Variants in DHH observed in about 807,000 individuals in gnomAD.
DHH encodes desert hedgehog signaling molecule.
A neutral mutation model predicts 27.6 loss-of-function variants in DHH; 16 were observed. That is an observed-to-expected ratio of 0.58 (90% CI 0.39 to 0.88). The LOEUF (loss-of-function observed/expected upper bound fraction) is 0.88. DHH is among the 40% of genes least tolerant of loss of function. DHH has a pLI of 0.00. For missense variants in DHH, 436 were observed against 563.1 expected (o/e 0.77, Z 2.28); for synonymous variants, 289 against 263.4 (o/e 1.10, Z -0.94).
chr12:49,094,225 G>T lies in DHH; in HGVS notation c.288C>A (p.Asp96Glu), dbSNP rs1374581939. 1.1e-5 allele frequency: 17 copies of T among 1,613,404 alleles called. No individual in the cohort carries two copies. The highest frequency in any genetic ancestry group is 1.4e-5 in the Non-Finnish European group (17 of 1,180,036). Residue 96 changes from aspartate (D) to glutamate (E), a missense_variant, in exon 1 of 3, where the codon GAC (aspartate) becomes GAA (glutamate). Transcript: ENST00000649637. ...IFKDEENSGA[D>E]RLMTERCKER... is the part of the protein sequence containing the mutation. ...CCCTCCTTACCTCGGTCATCAGGCG[G>T]TCGGCTCCACTGTTCTCCTCATCCT...
rs1445107002 is a variant in DHH, at chr12:49,094,413, G to C, written c.100C>G (p.Arg34Gly). 1 of 1,610,476 alleles carries C rather than the reference G, an allele frequency of 6.2e-7. No individual in the cohort carries two copies. Among genetic ancestry groups the C allele is most frequent in the Non-Finnish European group, 8.5e-7 (1 of 1,178,802 alleles). The part of the protein sequence containing the change: ...GPGRGPVGRR[R>G]YARKQLVPLL... The stretch of plus-strand genomic sequence containing the variant: ...GGCACGAGCTGCTTGCGCGCATAGC[G>C]GCGCCGGCCAACCGGCCCCCGGCCC... The change falls in exon 1 of 3, where the codon CGC (arginine) becomes GGC (glycine). Residue 34 changes from arginine to glycine, a missense_variant. Transcript: ENST00000649637.
rs1272051928 is a variant in DHH at position 49,091,456 on chromosome 12, G to A, written c.304-67C>T. ...TGGGGCAAAAGGGACCTGGATAGGA[G>A]GGTTGATTCTTTGTTATTCCGGCCC... On this transcript the variant is annotated intron_variant, in intron 1 of 2. Coordinates refer to ENST00000649637, the MANE Select transcript of DHH (RefSeq NM_021044.4). The surrounding 1 kb of genome is among the most constrained non-coding windows in gnomAD (Gnocchi z 4.8). 50 of 1,594,824 alleles carry A rather than the reference G, an allele frequency of 3.1e-5. No individual in the cohort carries two copies. The highest frequency in any genetic ancestry group is 1.9e-4 in the Admixed American group (11 of 57,798).
At position 49,090,467 on chromosome 12, in the gene DHH, G is replaced by A. The variant is rs931382072; in HGVS notation, c.583C>T (p.Arg195Trp). 4.4e-6 allele frequency: 7 copies of A among 1,602,850 alleles called. No individual in the cohort carries two copies. The highest frequency in any genetic ancestry group is 5.1e-6 in the Non-Finnish European group (6 of 1,179,786). The change falls in exon 3 of 3, where the codon CGG (arginine) becomes TGG (tryptophan). Residue 195 changes from arginine (R) to tryptophan (W), a missense_variant. By Grantham distance (101) the Arg-to-Trp change is moderately radical. Transcript: ENST00000649637. The surrounding 1 kb of genome is among the most constrained non-coding windows in gnomAD (Gnocchi z 5.2). ...TTTCCCGGAAAGCAGCCGCCCGCCC[G>A]GACCGCCAGTGAGTTATCTGCAGGG... is the stretch of plus-strand genomic sequence containing the variant. ...SVKADNSLAV[R>W]AGGCFPGNAT...
rs1220665094 is a variant in DHH, at chr12:49,088,130, G to A, written c.*1729C>T. 1.3e-5 allele frequency among the ~76,000 whole-genome samples: 2 copies of A among 152,118 alleles called. No individual in the cohort carries two copies. The highest frequency in any genetic ancestry group is 2.4e-5 in the African/African-American group (1 of 41,420). Reference sequence around the variant, plus strand: ...AACTTTGATACATAAGGAAGTCTGGGCTACTACAGGTATACTAGTAGGGCA... The same window carrying A: ...AACTTTGATACATAAGGAAGTCTGGACTACTACAGGTATACTAGTAGGGCA... On this transcript the variant is annotated 3_prime_UTR_variant, in exon 3 of 3. Coordinates refer to ENST00000649637, the MANE Select transcript of DHH (RefSeq NM_021044.4).
At chr12:49,092,588 C>T (rs2120833589) in intron 1 of DHH, among the ~76,000 whole-genome samples, 1 of 152,338 alleles carries the variant, frequency 6.6e-6, no homozygotes, top group Non-Finnish European at 1.5e-5. Context: ...TCTCCTCCAC[C>T]CCGCAGAGTT....
intron 1 of DHH, 135 bp downstream of exon 1, chr12:49,094,075 C>A (rs548316963): frequency 7.8e-6 from 8 of 1,029,238 alleles, no homozygotes; most frequent in African/African-American, 4.8e-5. Flanking sequence ...TTTTCCCCCC[C>A]CTGGGGCTGG....
Position 49,090,058 on chromosome 12 carries a change from T to C in DHH, c.992A>G (p.His331Arg), listed in dbSNP as rs778828170. Residue 331 changes from histidine (H) to arginine (R), a missense_variant, in exon 3 of 3, where the codon CAC becomes CGC. His to Arg is a conservative substitution (Grantham distance 29, BLOSUM62 0). Coordinates refer to ENST00000649637, the MANE Select transcript of DHH (RefSeq NM_021044.4). This position sits in a 1 kb window ranked among gnomAD's most constrained non-coding sequence, Gnocchi z 5.2. ...AVGVFAPLTA[H>R]GTLLVNDVLA... is the part of the protein sequence containing the mutation. The stretch of plus-strand genomic sequence containing the variant: ...GACATCGTTCACCAGCAGCGTCCCG[T>C]GCGCGGTGAGCGGCGCGAACACGCC... 1.9e-6 allele frequency: 3 copies of C among 1,540,996 alleles called. No individual in the cohort carries two copies. In the South Asian group the frequency reaches 3.6e-5, roughly 19 times the overall value.
rs1036090351 is a variant in DHH at position 49,088,912 on chromosome 12, T to C, written c.*947A>G. ...TTCCAGCCTCTTACTGTGCCCCCCT[T>C]CCTTTTTCAGGCCATGACTATGCGA... On this transcript the variant is annotated 3_prime_UTR_variant, in exon 3 of 3. Coordinates refer to ENST00000649637, the MANE Select transcript of DHH (RefSeq NM_021044.4). Among the ~76,000 whole-genome samples, 4 of 152,150 alleles carry C rather than the reference T, an allele frequency of 2.6e-5. No homozygotes were observed. The highest frequency in any genetic ancestry group is 9.7e-5 in the African/African-American group (4 of 41,420).
Position 49,094,569 on chromosome 12 carries a change from CAGTT to C in DHH, c.-61_-58del, listed in dbSNP as rs1939369265. 4 of 1,529,916 alleles carry C rather than the reference CAGTT, an allele frequency of 2.6e-6. No homozygotes were observed. The highest frequency in any genetic ancestry group is 2.5e-5 in the East Asian group (1 of 40,804). 94.8% of individuals were successfully genotyped at this position (1,529,916 alleles called of 1,614,324 possible). A position where few individuals can be genotyped will look rare whatever the true frequency, so the allele number is the denominator to read the frequency against. Reference sequence around the variant, plus strand: ...TTCTTGTCCTCACTAACTCTCCTGTCAGTTAGGCATCTCCACAGGCACCAGAGAG... The same window carrying C: ...TTCTTGTCCTCACTAACTCTCCTGTCAGGCATCTCCACAGGCACCAGAGAG... On this transcript the variant is annotated 5_prime_UTR_variant, in exon 1 of 3. An upstream open reading frame in the 5' UTR loses its in-frame stop. Transcript: ENST00000649637.
chr12:49,090,172 C>A lies in DHH; in HGVS notation c.878G>T (p.Arg293Leu). ...PGDFAPVFAR[R>L]LRAGDSVLAP... ...CAGCACCGAGTCCCCAGCGCGTAGC[C>A]GGCGCGCGAACACCGGTGCAAAGTC... Residue 293 changes from arginine (R) to leucine (L), a missense_variant, in exon 3 of 3, where the codon CGG becomes CTG. Arg to Leu is a moderately radical substitution (Grantham distance 102, BLOSUM62 -2). Transcript: ENST00000649637. The surrounding 1 kb of genome is among the most constrained non-coding windows in gnomAD (Gnocchi z 5.2). The A allele has an allele frequency of 6.5e-7, 1 of 1,545,282 alleles. No individual in the cohort carries two copies. Among genetic ancestry groups the A allele is most frequent in the Non-Finnish European group, 8.7e-7 (1 of 1,144,166 alleles).
intron 1 of DHH, 64 bp downstream of exon 1, chr12:49,094,146 G>C: frequency 1.3e-6 from 2 of 1,583,580 alleles, no homozygotes; most frequent in South Asian, 2.2e-5. Context: ...ACCCACCTGG[G>C]CTGCCATAGG....
Position 49,089,904 on chromosome 12 carries a change from C to T in DHH, c.1146G>A (p.Trp382Ter). The change falls in exon 3 of 3, where the codon TGG becomes TGA. Residue 382 changes from tryptophan to a stop codon, truncating the protein, a stop_gained. Coordinates refer to ENST00000649637, the MANE Select transcript of DHH (RefSeq NM_021044.4). LOFTEE classifies it high-confidence loss of function. ...CTAAGCGGTAGAGGAGCCGAGAGTACCAATGCATGCCAGTCGGCTGGACGG... is the reference window on the plus strand; with the variant it reads ...CTAAGCGGTAGAGGAGCCGAGAGTATCAATGCATGCCAGTCGGCTGGACGG... ...GGAVQPTGMH[W>*]YSRLLYRLAE... 3 of 1,592,284 alleles carry T rather than the reference C, an allele frequency of 1.9e-6. No individual in the cohort carries two copies. The highest frequency in any genetic ancestry group is 1.7e-6 in the Non-Finnish European group (2 of 1,169,782).
In DHH at chr12:49,094,255, G is replaced by T. The variant is rs1447477640; in HGVS notation, c.258C>A (p.Ile86=). Residue 86 remains isoleucine (I), a synonymous_variant, in exon 1 of 3, where the codon ATC becomes ATA. Coordinates refer to ENST00000649637, the MANE Select transcript of DHH (RefSeq NM_021044.4). ...DLVPNYNPDI[I]FKDEENSGAD... ...CTCCACTGTTCTCCTCATCCTTGAA[G>T]ATGATGTCGGGGTTGTAGTTGGGCA... 6 of 1,613,520 alleles carry T rather than the reference G, an allele frequency of 3.7e-6. No homozygotes were observed. The African/African-American group carries it at 4.0e-5, about 11-fold the overall frequency.
chr12:49,091,112 C>G lies in DHH; in HGVS notation c.565+16G>C. 6.2e-7 allele frequency: 1 copy of G among 1,614,224 alleles called. No individual in the cohort carries two copies. Among genetic ancestry groups the G allele is most frequent in the Non-Finnish European group, 8.5e-7 (1 of 1,180,040 alleles). ...GCCCCCTTTGGGCGGATTTTACCAC[C>G]CTCCTCCTACTGTACCAGCTTTGAC... On this transcript the variant is annotated intron_variant, in intron 2 of 2. Transcript: ENST00000649637. This position sits in a 1 kb window ranked among gnomAD's most constrained non-coding sequence, Gnocchi z 4.8.
chr12:49,091,526 A>C lies in DHH; in HGVS notation c.304-137T>G. ...TTTTGAGTGTCCTGGAGAAATGAGA[A>C]TCTGAGTCGATGGTAGTCACCAATC... On this transcript the variant is annotated intron_variant, in intron 1 of 2. Coordinates refer to ENST00000649637, the MANE Select transcript of DHH (RefSeq NM_021044.4). The surrounding 1 kb of genome is among the most constrained non-coding windows in gnomAD (Gnocchi z 4.8). 7.7e-7 allele frequency: 1 copy of C among 1,295,090 alleles called. No homozygotes were observed. The highest frequency in any genetic ancestry group is 1.1e-6 in the Non-Finnish European group (1 of 935,004). The allele number at this position is 1,295,090 out of a possible 1,614,324, so 80.2% of individuals were successfully genotyped here.
chr12:49,086,683 T>C lies in DHH; in HGVS notation c.*3176A>G, dbSNP rs1369092434. The stretch of plus-strand genomic sequence containing the variant: ...CTCAAAACAAGATTACTTTTAATTA[T>C]ACTTCTTCAGAAAAGTAGTTTCAGG... On this transcript the variant is annotated 3_prime_UTR_variant, in exon 3 of 3. Coordinates refer to ENST00000649637, the MANE Select transcript of DHH (RefSeq NM_021044.4). 6.6e-6 allele frequency among the ~76,000 whole-genome samples: 1 copy of C among 152,258 alleles called. No individual in the cohort carries two copies. The highest frequency in any genetic ancestry group is 2.4e-5 in the African/African-American group (1 of 41,472).
In DHH at chr12:49,091,015, T is replaced by G. The variant is rs1939292761; in HGVS notation, c.565+113A>C. ...CCGCCTCGGCCTGGACGGGTGGTTT[T>G]CAACACTAAAGCCCGCTTGGTCTCC... On this transcript the variant is annotated intron_variant, in intron 2 of 2. Coordinates refer to ENST00000649637, the MANE Select transcript of DHH (RefSeq NM_021044.4). The surrounding 1 kb of genome is among the most constrained non-coding windows in gnomAD (Gnocchi z 4.8). 2 of 1,556,576 alleles carry G rather than the reference T, an allele frequency of 1.3e-6. No individual in the cohort carries two copies. The highest frequency in any genetic ancestry group is 1.8e-6 in the Non-Finnish European group (2 of 1,130,856).
At position 49,089,878 on chromosome 12, in the gene DHH, G is replaced by T; in HGVS notation, c.1172C>A (p.Ala391Glu). ...GGACGCTCAGCCCAGTAGCTCCTCCGCTAAGCGGTAGAGGAGCCGAGAGTA... is the reference window on the plus strand; with the variant it reads ...GGACGCTCAGCCCAGTAGCTCCTCCTCTAAGCGGTAGAGGAGCCGAGAGTA... ...HWYSRLLYRLAEELLG is the reference protein window; with the variant it reads ...HWYSRLLYRLEEELLG The change falls in exon 3 of 3, where the codon GCG (alanine) becomes GAG (glutamate). Residue 391 changes from alanine (A) to glutamate (E), a missense_variant. Coordinates refer to ENST00000649637, the MANE Select transcript of DHH (RefSeq NM_021044.4). 6.4e-7 allele frequency: 1 copy of T among 1,574,522 alleles called. No homozygotes were observed. Among genetic ancestry groups the T allele is most frequent in the Non-Finnish European group, 8.6e-7 (1 of 1,159,574 alleles).
chr12:49,088,261 C>G lies in DHH; in HGVS notation c.*1598G>C, dbSNP rs1410219120. On this transcript the variant is annotated 3_prime_UTR_variant, in exon 3 of 3. Coordinates refer to ENST00000649637, the MANE Select transcript of DHH (RefSeq NM_021044.4). ...GAGAAGCAGGTGGACTCCTTGACAG[C>G]TCCTGATATGTGTGACTCAGCGCTG... 6.6e-6 allele frequency among the ~76,000 whole-genome samples: 1 copy of G among 152,150 alleles called. No homozygotes were observed. Among genetic ancestry groups the G allele is most frequent in the Non-Finnish European group, 1.5e-5 (1 of 68,020 alleles).
Sources: gnomAD v4.1 joint callset for allele counts (sites outside exome capture counted in the v4.1 genomes callset) on GRCh38, gnomAD v4.1.1 for gene constraint, Gnocchi (gnomAD v3.1) non-coding constraint, MANE v1.5 for transcripts, NCBI Gene and HGNC (gene_info 2026-07-23, HGNC 2026-07-21) for gene names.